CACNA2D1: variants seen among roughly 807,000 people sequenced by gnomAD.
The protein encoded by CACNA2D1 is voltage-dependent calcium channel subunit alpha-2/delta-1.
A neutral mutation model predicts 171.5 loss-of-function variants in CACNA2D1; 53 were observed. The ratio of observed to expected loss-of-function variants is 0.31; its 90% CI spans 0.25 to 0.39. CACNA2D1 has a LOEUF of 0.39. CACNA2D1 is among the 10% of genes least tolerant of loss of function. The pLI, the probability that CACNA2D1 is intolerant of heterozygous loss-of-function variation, is 1.00. For synonymous variants in CACNA2D1, 442 were observed against 443.1 expected, an observed-to-expected ratio of 1.00 and a Z score of 0.03; for missense variants, 903 against 1,299.8, an observed-to-expected ratio of 0.69 and a Z score of 4.69.
At chr7:82,184,965 G>A (rs886896102) in intron 3 of CACNA2D1, among the ~76,000 whole-genome samples, 6 of 152,022 alleles carry the variant, frequency 3.9e-5, no homozygotes, top group African/African-American at 1.4e-4. Flanking sequence ...AGATGTTATC[G>A]AGCTTGAGCT....
intron 10 of CACNA2D1, among the ~76,000 whole-genome samples, chr7:82,046,478 A>G (rs1408526231): frequency 6.6e-6 from 1 of 152,150 alleles, no homozygotes; most frequent in Non-Finnish European, 1.5e-5. Flanking sequence ...TCTCTTCTTT[A>G]ATCAATTTAG....
chr7:82,291,442 ATTT>A (rs934047414), intron 3 of CACNA2D1, among the ~76,000 whole-genome samples: 2 of 135,592 alleles, frequency 1.5e-5, no homozygotes, highest in Non-Finnish European at 3.1e-5. Context: ...TAAAATATAT[ATTT>A]TTATTATATA....
At chr7:82,208,754 C>T (rs748818395) in intron 3 of CACNA2D1, among the ~76,000 whole-genome samples, 9 of 152,036 alleles carry the variant, frequency 5.9e-5, no homozygotes, top group Non-Finnish European at 1.0e-4. Context: ...GGAATAAGTT[C>T]AAGAGTTGCA....
At chr7:82,023,005 G>A (rs1475432981) in intron 12 of CACNA2D1, among the ~76,000 whole-genome samples, 1 of 151,364 alleles carries the variant, frequency 6.6e-6, no homozygotes, top group Non-Finnish European at 1.5e-5. Flanking sequence ...TTCCTTACTG[G>A]CTAGGCAATC....
chr7:82,063,547 T>C (rs1807217260), intron 9 of CACNA2D1, among the ~76,000 whole-genome samples: 1 of 151,738 alleles, frequency 6.6e-6, no homozygotes, highest in African/African-American at 2.4e-5. Flanking sequence ...TTTCTTCCAA[T>C]GAGACAAAGA....
At position 82,113,972 on chromosome 7, in the gene CACNA2D1, T is replaced by A. The variant is rs565781013; in HGVS notation, c.526+3072A>T. On this transcript the variant is annotated intron_variant, in intron 6 of 38. Coordinates refer to ENST00000356860, the MANE Select transcript of CACNA2D1 (RefSeq NM_000722.4). ...CCAAAGACAGAGCTTCTTTTAATTATGACATATCCCAAAGAATGCCTATGA... is the reference window on the plus strand; with the variant it reads ...CCAAAGACAGAGCTTCTTTTAATTAAGACATATCCCAAAGAATGCCTATGA... 5.9e-5 allele frequency among the ~76,000 whole-genome samples: 9 copies of A among 152,306 alleles called. 1 individual carries two copies. The highest frequency in any genetic ancestry group is 2.2e-4 in the African/African-American group (9 of 41,584).
intron 3 of CACNA2D1, among the ~76,000 whole-genome samples, chr7:82,300,022 C>T (rs1454748904): frequency 2.6e-5 from 4 of 152,102 alleles, no homozygotes; most frequent in Admixed American, 6.5e-5. Context: ...AAACTTGAAT[C>T]ATGACCGATC....
intron 5 of CACNA2D1, among the ~76,000 whole-genome samples, chr7:82,134,694 T>C (rs907386132): frequency 6.6e-6 from 1 of 152,182 alleles, no homozygotes; most frequent in Non-Finnish European, 1.5e-5. Context: ...ACTATTTTTT[T>C]AGATGAGAAA....
At chr7:82,099,190 A>G (rs375126547) in intron 6 of CACNA2D1, among the ~76,000 whole-genome samples, 14 of 152,206 alleles carry the variant, frequency 9.2e-5, no homozygotes, top group African/African-American at 2.9e-4. Flanking sequence ...GCCCTTTCCA[A>G]ATATATCTGT....
chr7:82,172,205 C>G (rs933833971), intron 3 of CACNA2D1, among the ~76,000 whole-genome samples: 2 of 151,874 alleles, frequency 1.3e-5, no homozygotes, highest in Non-Finnish European at 2.9e-5. Flanking sequence ...CATAGAGTAA[C>G]CAAAAGGCGG....
chr7:82,342,131 T>C (rs964163684), intron 2 of CACNA2D1, among the ~76,000 whole-genome samples: 2 of 152,094 alleles, frequency 1.3e-5, no homozygotes, highest in Non-Finnish European at 2.9e-5. Flanking sequence ...GGCCTTTTTT[T>C]TCTTTTCCCT....
intron 3 of CACNA2D1, among the ~76,000 whole-genome samples, chr7:82,265,008 T>C (rs1006177822): frequency 6.6e-6 from 1 of 152,196 alleles, no homozygotes; most frequent in Non-Finnish European, 1.5e-5. Flanking sequence ...ATCAGGTTTC[T>C]GTTATATTAA....
At chr7:82,141,177 C>A (rs2129087789) in intron 4 of CACNA2D1, among the ~76,000 whole-genome samples, 1 of 152,102 alleles carries the variant, frequency 6.6e-6, no homozygotes, top group Admixed American at 6.5e-5. Context: ...CTAAATCAGT[C>A]TTTCACTAGG....
intron 1 of CACNA2D1, among the ~76,000 whole-genome samples, chr7:82,385,960 C>T (rs1474441667): frequency 6.6e-6 from 1 of 152,080 alleles, no homozygotes; most frequent in Non-Finnish European, 1.5e-5. Context: ...CCACCATGCC[C>T]AGTCTATTTT....
chr7:82,320,917 TAA>T (rs1210881378), intron 3 of CACNA2D1, among the ~76,000 whole-genome samples: 9 of 62,064 alleles, frequency 1.5e-4, no homozygotes, highest in African/African-American at 6.1e-4. Context: ...AGATTTTATA[TAA>T]GTTAATGGCT....
Position 82,066,480 on chromosome 7 carries a change from G to C in CACNA2D1, c.703C>G (p.Leu235Val). The change falls in exon 8 of 39, where the codon CTT (leucine) becomes GTT (valine). Residue 235 changes from leucine (L) to valine (V), a missense_variant. This residue lies in a region of CACNA2D1 where 189 missense variants were observed against 266.8 expected (regional missense o/e 0.71). Transcript: ENST00000356860. ...CATGGTCTTCTGCGTACATCATAAAGGTCAATCTTATTTGGAGTTCTACTA... is the reference window on the plus strand; with the variant it reads ...CATGGTCTTCTGCGTACATCATAAACGTCAATCTTATTTGGAGTTCTACTA... ...DNSRTPNKID[L>V]YDVRRRPWYI... 1 of 1,605,950 alleles carries C rather than the reference G, an allele frequency of 6.2e-7. No homozygotes were observed. Among genetic ancestry groups the C allele is most frequent in the Non-Finnish European group, 8.5e-7 (1 of 1,177,818 alleles).
chr7:82,076,100 T>C (rs1398865672), intron 7 of CACNA2D1, among the ~76,000 whole-genome samples: 2 of 152,110 alleles, frequency 1.3e-5, no homozygotes, highest in African/African-American at 2.4e-5. Flanking sequence ...GACCATAAGG[T>C]GAACAATTAT....
At chr7:82,211,025 C>T (rs1021222706) in intron 3 of CACNA2D1, among the ~76,000 whole-genome samples, 2 of 152,170 alleles carry the variant, frequency 1.3e-5, no homozygotes, top group East Asian at 1.9e-4. Context: ...TCTTCACAGA[C>T]GTGCTATAAG....
At chr7:82,283,404 G>A (rs2129379116) in intron 3 of CACNA2D1, among the ~76,000 whole-genome samples, 1 of 152,236 alleles carries the variant, frequency 6.6e-6, no homozygotes, top group East Asian at 1.9e-4. Flanking sequence ...AATAGCTTAT[G>A]ATTTTATAGA....
Sources: allele counts gnomAD v4.1 joint callset (sites outside exome capture counted in the v4.1 genomes callset), GRCh38; gene constraint gnomAD v4.1.1; regional missense constraint gnomAD v4.1.1; transcripts MANE v1.5; gene names NCBI Gene and HGNC (gene_info 2026-07-23, HGNC 2026-07-21).